Variants in NCAM2 observed in about 807,000 individuals in gnomAD.
NCAM2 encodes the protein N-CAM-2.
In NCAM2, 30 loss-of-function variants were observed where a neutral mutation model predicts 98.1. The ratio of observed to expected loss-of-function variants is 0.31; its 90% CI spans 0.23 to 0.41. The LOEUF (loss-of-function observed/expected upper bound fraction) is 0.41, where lower values mean the gene tolerates loss of function less well. NCAM2 is among the 10% of genes least tolerant of loss of function. The pLI is 1.00. For missense variants in NCAM2, 867 were observed against 1,005.8 expected (o/e 0.86, Z 1.87); for synonymous variants, 368 against 342.4 (o/e 1.07, Z -0.83).
chr21:21,176,039 T>A (rs529874723), intron 1 of NCAM2, among the ~76,000 whole-genome samples: 36 of 152,242 alleles, frequency 2.4e-4, no homozygotes, highest in African/African-American at 8.7e-4. Context: ...GTGCATTAGA[T>A]GTTCTGTGAG....
intron 1 of NCAM2, among the ~76,000 whole-genome samples, chr21:21,012,513 C>G (rs2146144323): frequency 6.6e-6 from 1 of 152,092 alleles, no homozygotes; most frequent in East Asian, 1.9e-4. Flanking sequence ...CAGGAAAGGC[C>G]ATATAGAGGT....
chr21:21,166,111 A>T (rs2067942881), intron 1 of NCAM2, among the ~76,000 whole-genome samples: 2 of 152,344 alleles, frequency 1.3e-5, no homozygotes, highest in Non-Finnish European at 2.9e-5. Context: ...ACATATTTGT[A>T]CAAAGAACAC....
chr21:21,236,297 T>C (rs1056386252), intron 1 of NCAM2, among the ~76,000 whole-genome samples: 7 of 133,614 alleles, frequency 5.2e-5, no homozygotes, highest in African/African-American at 7.7e-5. Context: ...AAAAATTGTG[T>C]CATTTTTCCC....
chr21:21,307,860 T>C (rs539499517), intron 5 of NCAM2, among the ~76,000 whole-genome samples: 2 of 152,154 alleles, frequency 1.3e-5, no homozygotes, highest in Non-Finnish European at 2.9e-5. Flanking sequence ...CTGCTTTTAA[T>C]ATCAGATGAA....
Position 21,153,661 on chromosome 21 carries a change from C to T in NCAM2, c.56-126917C>T, listed in dbSNP as rs180757156. Among the ~76,000 whole-genome samples the T allele has an allele frequency of 5.3e-3, 802 of 151,650 alleles. 4 individuals are homozygous for T. The highest frequency in any genetic ancestry group is 0.017 in the African/African-American group (691 of 41,376). ...TTTAGTCATGGTGGGGGGTACCGTG[C>T]GAACAATGGAACCAAAATTTGCAGT... On this transcript the variant is annotated intron_variant, in intron 1 of 17. Transcript: ENST00000400546.
chr21:21,430,912 G>C (rs750363496), intron 11 of NCAM2, among the ~76,000 whole-genome samples: 4 of 151,722 alleles, frequency 2.6e-5, no homozygotes, highest in Non-Finnish European at 5.9e-5. Flanking sequence ...TGGGCGTGGT[G>C]GTGCGCACCT....
At chr21:21,208,688 G>GA (rs1050139452) in intron 1 of NCAM2, among the ~76,000 whole-genome samples, 41 of 148,778 alleles carry the variant, frequency 2.8e-4, no homozygotes, top group African/African-American at 5.4e-4. Flanking sequence ...GAGACCTTAA[G>GA]AAAAAAAAAA....
chr21:21,170,608 G>A (rs185603750), intron 1 of NCAM2, among the ~76,000 whole-genome samples: 2 of 152,282 alleles, frequency 1.3e-5, no homozygotes, highest in Admixed American at 1.3e-4. Flanking sequence ...ATTTAGGGCA[G>A]TGGAATTACT....
chr21:21,121,236 A>T (rs1351464679), intron 1 of NCAM2, among the ~76,000 whole-genome samples: 5 of 152,198 alleles, frequency 3.3e-5, no homozygotes, highest in African/African-American at 4.8e-5. Context: ...TTATTAGTAT[A>T]GTGAATAACA....
intron 15 of NCAM2, among the ~76,000 whole-genome samples, chr21:21,489,186 G>C (rs554261024): frequency 6.6e-6 from 1 of 151,906 alleles, no homozygotes; most frequent in African/African-American, 2.4e-5. Context: ...GTAGAGGCAG[G>C]GTTTCACCAT....
At chr21:21,042,617 T>G (rs1568959192) in intron 1 of NCAM2, among the ~76,000 whole-genome samples, 1 of 152,172 alleles carries the variant, frequency 6.6e-6, no homozygotes, top group Non-Finnish European at 1.5e-5. Flanking sequence ...AATCTTGCCA[T>G]CTCTAAATGA....
At chr21:21,305,856 C>A (rs2073863761) in intron 5 of NCAM2, among the ~76,000 whole-genome samples, 2 of 151,964 alleles carry the variant, frequency 1.3e-5, no homozygotes, top group Non-Finnish European at 1.5e-5. Context: ...TGAAATCTTT[C>A]TTGTCTTCTA....
chr21:21,537,199 G>T (rs755784600), intron 17 of NCAM2, among the ~76,000 whole-genome samples: 2 of 151,888 alleles, frequency 1.3e-5, no homozygotes, highest in Non-Finnish European at 2.9e-5. Flanking sequence ...CCCGGTTCAA[G>T]TGATTTCCGT....
At chr21:21,059,093 G>C (rs191781710) in intron 1 of NCAM2, among the ~76,000 whole-genome samples, 1 of 151,848 alleles carries the variant, frequency 6.6e-6, no homozygotes, top group East Asian at 1.9e-4. Flanking sequence ...AATCTATCAT[G>C]TCACATGTTT....
At chr21:21,035,759 C>A (rs9980670) in intron 1 of NCAM2, among the ~76,000 whole-genome samples, 144,643 of 152,218 alleles carry the variant, frequency 0.95, 69,159 homozygotes, top group East Asian at 1. Context: ...TTTCCATAAA[C>A]CTGCTTGAAC....
At chr21:21,242,925 A>G (rs1466931280) in intron 1 of NCAM2, among the ~76,000 whole-genome samples, 1 of 152,192 alleles carries the variant, frequency 6.6e-6, no homozygotes, top group Admixed American at 6.6e-5. Flanking sequence ...AAATGACAAT[A>G]GCAGGAGAAA....
At position 21,236,364 on chromosome 21, in the gene NCAM2, A is replaced by C. The variant is rs556329706; in HGVS notation, c.56-44214A>C. Among the ~76,000 whole-genome samples, 5 of 152,222 alleles carry C rather than the reference A, an allele frequency of 3.3e-5. No individual in the cohort carries two copies. The East Asian group carries it at 9.7e-4, about 29-fold the overall frequency. ...TCACAACCATCAATAAATATTTTTA[A>C]GTTAATAAACTAAAAGAAAGTTATG... On this transcript the variant is annotated intron_variant, in intron 1 of 17. Coordinates refer to ENST00000400546, the MANE Select transcript of NCAM2 (RefSeq NM_004540.5).
intron 1 of NCAM2, among the ~76,000 whole-genome samples, chr21:21,215,382 C>T (rs1356545408): frequency 6.6e-6 from 1 of 152,052 alleles, no homozygotes; most frequent in Non-Finnish European, 1.5e-5. Context: ...AGAAAGTTTA[C>T]TAAATAATAA....
At chr21:21,466,435 A>G (rs573759896) in intron 12 of NCAM2, among the ~76,000 whole-genome samples, 171 bp from the exon 13 acceptor site, 20 of 152,004 alleles carry the variant, frequency 1.3e-4, no homozygotes, top group African/African-American at 4.6e-4. Flanking sequence ...TTCACAAATC[A>G]GTTTCTTCTT....
Sources: allele counts gnomAD v4.1 joint callset (sites outside exome capture counted in the v4.1 genomes callset), GRCh38; gene constraint gnomAD v4.1.1; transcripts MANE v1.5; gene names NCBI Gene and HGNC (gene_info 2026-07-23, HGNC 2026-07-21).